CFTR: variants seen among roughly 807,000 people sequenced by gnomAD.
CFTR encodes CF transmembrane conductance regulator, also known as cystic fibrosis transmembrane conductance regulator.
Under a neutral mutation model 171.6 loss-of-function variants are expected in CFTR, and 181 were observed. The observed-to-expected ratio is 1.05, with a 90% CI of 0.93 to 1.19. CFTR has a LOEUF of 1.19. CFTR is among the 50% of genes most tolerant of loss of function. The pLI, the probability that CFTR is intolerant of heterozygous loss-of-function variation, is 0.00. For missense variants in CFTR, 1,968 were observed against 1,734.7 expected (o/e 1.13, Z -2.39); for synonymous variants, 583 against 608.0 (o/e 0.96, Z 0.60).
At chr7:117,570,150 G>C (rs1182082908) in intron 11 of CFTR, among the ~76,000 whole-genome samples, 1 of 148,458 alleles carries the variant, frequency 6.7e-6, no homozygotes, top group African/African-American at 2.5e-5. Context: ...TATTACTATA[G>C]AGCCATCCAC....
At chr7:117,481,217 C>G (rs1355126682) in intron 1 of CFTR, among the ~76,000 whole-genome samples, 1 of 152,142 alleles carries the variant, frequency 6.6e-6, no homozygotes, top group African/African-American at 2.4e-5. Flanking sequence ...AGAGCTCCTC[C>G]CTGTGGATGA....
Position 117,614,702 on chromosome 7 carries a change from G to A in CFTR, c.3457G>A (p.Val1153Met), listed in dbSNP as rs143120209. 9.3e-6 allele frequency: 15 copies of A among 1,609,468 alleles called. No homozygotes were observed. Among genetic ancestry groups the A allele is most frequent in the African/African-American group, 4.0e-5 (3 of 74,740 alleles). ...LQWAVNSSIDVDSLMRSVSRV... is the reference protein window; with the variant it reads ...LQWAVNSSIDMDSLMRSVSRV... ...GTGGGCTGTAAACTCCAGCATAGAT[G>A]TGGATAGCTTGGTAAGTCTTATCAT... The change falls in exon 21 of 27, where the codon GTG becomes ATG. Residue 1153 changes from valine (V) to methionine (M), a missense_variant. Transcript: ENST00000003084.
At position 117,667,228 on chromosome 7, in the gene CFTR, T is replaced by C. The variant is rs1793399802; in HGVS notation, c.*120T>C. The C allele has an allele frequency of 1.1e-6, 1 of 908,720 alleles. No individual in the cohort carries two copies. Among genetic ancestry groups the C allele is most frequent in the Non-Finnish European group, 1.7e-6 (1 of 593,654 alleles). The allele number at this position is 908,720 out of a possible 1,614,324, so 56.3% of individuals were successfully genotyped here. A position where few individuals can be genotyped will look rare whatever the true frequency, so the allele number is the denominator to read the frequency against. On this transcript the variant is annotated 3_prime_UTR_variant, in exon 27 of 27. Coordinates refer to ENST00000003084, the MANE Select transcript of CFTR (RefSeq NM_000492.4). ...CTCTGCCTCAGAAAACAAGGATGAATTAAGTTTTTTTTTAAAAAAGAAACA... is the reference window on the plus strand; with the variant it reads ...CTCTGCCTCAGAAAACAAGGATGAACTAAGTTTTTTTTTAAAAAAGAAACA...
chr7:117,613,899 A>T (rs927701672), intron 20 of CFTR, among the ~76,000 whole-genome samples: 40 of 151,888 alleles, frequency 2.6e-4, no homozygotes, highest in African/African-American at 9.7e-4. Context: ...TATGGCCATA[A>T]TACTGAACAC....
intron 11 of CFTR, among the ~76,000 whole-genome samples, chr7:117,562,131 C>A (rs1236833183): frequency 6.6e-6 from 1 of 152,128 alleles, no homozygotes; most frequent in East Asian, 1.9e-4. Flanking sequence ...CTTGTATTAT[C>A]TCCCTTTGAG....
intron 17 of CFTR, among the ~76,000 whole-genome samples, chr7:117,605,812 G>A (rs909817339): frequency 4.6e-5 from 7 of 152,106 alleles, no homozygotes; most frequent in African/African-American, 1.7e-4. Flanking sequence ...CTAGGTAGGT[G>A]GGTTGAGGCC....
intron 21 of CFTR, among the ~76,000 whole-genome samples, chr7:117,625,133 A>G (rs1792632895): frequency 6.6e-6 from 1 of 152,172 alleles, no homozygotes; most frequent in African/African-American, 2.4e-5. Flanking sequence ...CACTGAATTG[A>G]ATGACTGTCT....
At chr7:117,619,692 T>A (rs1333135291) in intron 21 of CFTR, among the ~76,000 whole-genome samples, 1 of 152,162 alleles carries the variant, frequency 6.6e-6, no homozygotes, top group East Asian at 1.9e-4. Flanking sequence ...TTCCATTAGC[T>A]GTCTACCCTG....
Position 117,603,622 on chromosome 7 carries a change from T to C in CFTR, c.2748T>C (p.Phe916=), listed in dbSNP as rs1211211281. Residue 916 remains phenylalanine (F), a synonymous_variant, in exon 17 of 27, where the codon TTT becomes TTC. Transcript: ENST00000003084. ...CCAGCACCAGTTCGTATTATGTGTT[T>C]TACATTTACGTGGGAGTAGCCGACA... ...IITSTSSYYV[F]YIYVGVADTL... The C allele has an allele frequency of 1.2e-6, 2 of 1,614,104 alleles. No individual in the cohort carries two copies. The highest frequency in any genetic ancestry group is 1.7e-6 in the Non-Finnish European group (2 of 1,179,954).
chr7:117,546,154 C>A (rs1799143941), intron 9 of CFTR, among the ~76,000 whole-genome samples: 1 of 151,922 alleles, frequency 6.6e-6, no homozygotes, highest in Non-Finnish European at 1.5e-5. Flanking sequence ...CCACTGTGCC[C>A]AGCTAATTTT....
intron 2 of CFTR, among the ~76,000 whole-genome samples, chr7:117,506,966 G>A (rs1798429016): frequency 6.6e-6 from 1 of 152,136 alleles, no homozygotes; most frequent in East Asian, 1.9e-4. Flanking sequence ...TAACTGCCTT[G>A]TGACCATGGC....
intron 17 of CFTR, 21 bp downstream of exon 17, chr7:117,603,803 A>T (rs1279556119): frequency 6.2e-7 from 1 of 1,612,452 alleles, no homozygotes; most frequent in Middle Eastern, 1.7e-4. Flanking sequence ...AGGTCTAAGA[A>T]ATGAAACTGC....
intron 3 of CFTR, among the ~76,000 whole-genome samples, chr7:117,516,763 G>A (rs1018627084): frequency 2.6e-5 from 4 of 152,102 alleles, no homozygotes; most frequent in African/African-American, 9.7e-5. Context: ...ACATCATAGA[G>A]AATGGGGTAT....
chr7:117,525,440 T>G (rs1798759223), intron 3 of CFTR, among the ~76,000 whole-genome samples: 1 of 116,154 alleles, frequency 8.6e-6, no homozygotes, highest in Admixed American at 9.6e-5. Context: ...GTATCCTTGT[T>G]GACTTTCTGT....
At position 117,614,674 on chromosome 7, in the gene CFTR, G is replaced by A. The variant is rs375845215; in HGVS notation, c.3429G>A (p.Leu1143=). The change falls in exon 21 of 27, where the codon TTG becomes TTA. Residue 1143 remains leucine, a synonymous_variant. Coordinates refer to ENST00000003084, the MANE Select transcript of CFTR (RefSeq NM_000492.4). The stretch of plus-strand genomic sequence containing the variant: ...TAGCCATGAATATCATGAGTACATT[G>A]CAGTGGGCTGTAAACTCCAGCATAG... ...LTLAMNIMST[L]QWAVNSSIDV... 236 of 1,612,248 alleles carry A rather than the reference G, an allele frequency of 1.5e-4. No homozygotes were observed. Among genetic ancestry groups the A allele is most frequent in the Non-Finnish European group, 1.9e-4 (225 of 1,178,710 alleles).
At chr7:117,618,456 G>A (rs575864357) in intron 21 of CFTR, among the ~76,000 whole-genome samples, 4 of 151,458 alleles carry the variant, frequency 2.6e-5, no homozygotes, top group South Asian at 2.1e-4. Flanking sequence ...ACTCCAGCCT[G>A]AGCAATAGAG....
chr7:117,544,296 C>A (rs538758864), intron 9 of CFTR, among the ~76,000 whole-genome samples: 2 of 152,246 alleles, frequency 1.3e-5, no homozygotes, highest in African/African-American at 2.4e-5. Context: ...ATTGTTTAAA[C>A]CTTATATGGG....
At chr7:117,583,120 AT>A (rs1244754680) in intron 11 of CFTR, among the ~76,000 whole-genome samples, 2 of 152,150 alleles carry the variant, frequency 1.3e-5, no homozygotes, top group Non-Finnish European at 2.9e-5. Context: ...GTATAATGAA[AT>A]TGCATTTGTA....
intron 9 of CFTR, among the ~76,000 whole-genome samples, chr7:117,544,771 G>C (rs761996331): frequency 6.6e-6 from 1 of 152,170 alleles, no homozygotes; most frequent in Non-Finnish European, 1.5e-5. Context: ...TCCCTTTGCT[G>C]TCAAGGCTGT....
Sources: gnomAD v4.1 joint callset for allele counts (sites outside exome capture counted in the v4.1 genomes callset) on GRCh38, gnomAD v4.1.1 for gene constraint, MANE v1.5 for transcripts, NCBI Gene and HGNC (gene_info 2026-07-23, HGNC 2026-07-21) for gene names.